The following PRAM1 variants were observed in gnomAD, a reference collection of about 807,000 sequenced individuals.
PRAM1 encodes the protein PML-RARA-regulated adapter molecule 1.
A neutral mutation model predicts 55.3 loss-of-function variants in PRAM1; 41 were observed. That is an observed-to-expected ratio of 0.74 (90% confidence interval 0.58 to 0.96). The LOEUF (loss-of-function observed/expected upper bound fraction) is 0.96. Ranked by LOEUF, PRAM1 falls within the 40% of genes least tolerant of loss-of-function variation. PRAM1 has a pLI of 0.00. For missense variants in PRAM1, 898 were observed against 892.7 expected (o/e 1.01, Z -0.08); for synonymous variants, 401 against 387.1 (o/e 1.04, Z -0.42).
chr19:8,498,881 C>A lies in PRAM1; in HGVS notation c.927G>T (p.Pro309=), dbSNP rs751677207. Residue 309 remains proline, a synonymous_variant, in exon 2 of 10, where the codon CCG becomes CCT. Coordinates refer to ENST00000423345, the MANE Select transcript of PRAM1 (RefSeq NM_032152.5). The stretch of plus-strand genomic sequence containing the variant: ...AGAGCGCTTTGAATTCGGCCGGCCG[C>A]GGCCTCTTGGGAAGCACGCTGACTT... ...EPEVSVLPKR[P]RPAEFKALSK... 1 of 1,612,258 alleles carries A rather than the reference C, an allele frequency of 6.2e-7. No homozygotes were observed. The highest frequency in any genetic ancestry group is 8.5e-7 in the Non-Finnish European group (1 of 1,179,316).
chr19:8,492,096 T>A (rs752207591), intron 4 of PRAM1: 2 of 151,198 alleles, frequency 1.3e-5, no homozygotes, highest in Non-Finnish European at 2.9e-5. Context: ...CACACCCGGC[T>A]AATTTTTTTT....
rs775449099 is a variant in PRAM1 at position 8,490,634 on chromosome 19, G to A, written c.1866C>T (p.Thr622=). The change falls in exon 7 of 10, where the codon ACC becomes ACT. Residue 622 remains threonine (T), a synonymous_variant. Coordinates refer to ENST00000423345, the MANE Select transcript of PRAM1 (RefSeq NM_032152.5). The surrounding 1 kb of genome is among the most constrained non-coding windows in gnomAD (Gnocchi z 7.3). ...CCCGGCACAGCATCTCCTCATTGCT[G>A]GTGAACTCGATCACCTCCAGGATCT... is the stretch of plus-strand genomic sequence containing the variant. ...RGEILEVIEF[T]SNEEMLCRDP... The A allele has an allele frequency of 1.0e-4, 159 of 1,585,872 alleles. 2 individuals are homozygous for A. The South Asian group carries it at 1.8e-3, about 18-fold the overall frequency.
At chr19:8,491,767 G>C (rs1971633247) in intron 4 of PRAM1, 2 of 156,710 alleles carry the variant, frequency 1.3e-5, no homozygotes, top group African/African-American at 2.4e-5. Context: ...GTTCATGCCA[G>C]TAGACGCCAC....
rs371085410 is a variant in PRAM1, at chr19:8,498,364, G to C, written c.1432+12C>G. ...GCCCCCGCTCCTGCCGGTGCCGCCC[G>C]CCCTCACCCACCTATGGATGCTGCA... On this transcript the variant is annotated intron_variant, in intron 2 of 9. Transcript: ENST00000423345. The C allele has an allele frequency of 6.3e-7, 1 of 1,582,938 alleles. No homozygotes were observed. Among genetic ancestry groups the C allele is most frequent in the African/African-American group, 1.3e-5 (1 of 74,334 alleles).
chr19:8,490,633 T>C lies in PRAM1; in HGVS notation c.1867A>G (p.Ser623Gly). 1 of 1,586,160 alleles carries C rather than the reference T, an allele frequency of 6.3e-7. No homozygotes were observed. The highest frequency in any genetic ancestry group is 8.6e-7 in the Non-Finnish European group (1 of 1,166,108). ...GEILEVIEFT[S>G]NEEMLCRDPK... The stretch of plus-strand genomic sequence containing the variant: ...TCCCGGCACAGCATCTCCTCATTGC[T>C]GGTGAACTCGATCACCTCCAGGATC... Residue 623 changes from serine (S) to glycine (G), a missense_variant, in exon 7 of 10, where the codon AGC becomes GGC. This residue lies in a region of PRAM1 where 787 missense variants were observed against 735.4 expected (regional missense o/e 1.07). Transcript: ENST00000423345. The surrounding 1 kb of genome is among the most constrained non-coding windows in gnomAD (Gnocchi z 7.3).
At chr19:8,491,513 G>A (rs769851490) in intron 4 of PRAM1, 73 of 364,490 alleles carry the variant, frequency 2.0e-4, no homozygotes, top group Non-Finnish European at 3.1e-4. Flanking sequence ...GATTACAGGC[G>A]TGAGCCACTG....
rs751677207 is a variant in PRAM1 at position 8,498,881 on chromosome 19, C to T, written c.927G>A (p.Pro309=). The change falls in exon 2 of 10, where the codon CCG becomes CCA. Residue 309 remains proline (P), a synonymous_variant. Transcript: ENST00000423345. ...AGAGCGCTTTGAATTCGGCCGGCCG[C>T]GGCCTCTTGGGAAGCACGCTGACTT... is the stretch of plus-strand genomic sequence containing the variant. ...EPEVSVLPKR[P]RPAEFKALSK... The T allele has an allele frequency of 5.6e-6, 9 of 1,612,258 alleles. No individual in the cohort carries two copies. Among genetic ancestry groups the T allele is most frequent in the South Asian group, 4.4e-5 (4 of 90,838 alleles).
Position 8,499,258 on chromosome 19 carries a change from T to C in PRAM1, c.550A>G (p.Lys184Glu), listed in dbSNP as rs753242175. Residue 184 changes from lysine (K) to glutamate (E), a missense_variant, in exon 2 of 10, where the codon AAA (lysine) becomes GAA (glutamate). Around this residue, in one of 4 missense-constraint regions of PRAM1, gnomAD observed 787 missense variants for 735.4 expected, o/e 1.07. Transcript: ENST00000423345. ...SHPARPPSEP[K>E]SGAFPRKLWQ... Reference sequence around the variant, plus strand: ...AGCTTCCTGGGGAATGCGCCGGATTTGGGTTCGGAGGGGGGTCTGGCGGGG... The same window carrying C: ...AGCTTCCTGGGGAATGCGCCGGATTCGGGTTCGGAGGGGGGTCTGGCGGGG... 16 of 1,610,018 alleles carry C rather than the reference T, an allele frequency of 9.9e-6. No individual in the cohort carries two copies. In the South Asian group the frequency reaches 1.5e-4, roughly 15 times the overall value.
Position 8,498,860 on chromosome 19 carries a change from C to A in PRAM1, c.948G>T (p.Ala316=), listed in dbSNP as rs1450246291. ...CGGGCTGCGGGGGCTTCTTGGAGAG[C>A]GCTTTGAATTCGGCCGGCCGCGGCC... is the stretch of plus-strand genomic sequence containing the variant. ...PKRPRPAEFK[A]LSKKPPQPEL... is the part of the protein sequence containing the mutation. The change falls in exon 2 of 10, where the codon GCG becomes GCT. Residue 316 remains alanine (A), a synonymous_variant. Coordinates refer to ENST00000423345, the MANE Select transcript of PRAM1 (RefSeq NM_032152.5). 3.1e-6 allele frequency: 5 copies of A among 1,607,698 alleles called. No homozygotes were observed. Among genetic ancestry groups the A allele is most frequent in the African/African-American group, 2.7e-5 (2 of 74,546 alleles).
chr19:8,500,848 C>T (rs8102240), intron 1 of PRAM1, among the ~76,000 whole-genome samples: 1,626 of 152,270 alleles, frequency 0.011, 34 homozygotes, highest in African/African-American at 0.037. Flanking sequence ...TCACTGCAAT[C>T]TCCACTTCCC....
chr19:8,494,553 C>T (rs1269062194), intron 4 of PRAM1, among the ~76,000 whole-genome samples: 1 of 152,210 alleles, frequency 6.6e-6, no homozygotes, highest in Admixed American at 6.5e-5. Context: ...AAAGCCCTGC[C>T]ACAGATCCAG....
At chr19:8,499,847 G>GA in intron 1 of PRAM1, 67 bp from the exon 2 acceptor site, 4 of 1,380,594 alleles carry the variant, frequency 2.9e-6, no homozygotes, top group Non-Finnish European at 3.9e-6. Flanking sequence ...GGATGGGCCT[G>GA]GGGACCCTCA....
Position 8,498,381 on chromosome 19 carries a change from G to C in PRAM1, c.1427C>G (p.Ser476Cys), listed in dbSNP as rs1413660112. ...MQSFRRPSAA[S>C]IDLRRTRSAA... is the part of the protein sequence containing the mutation. ...TGCCGCCCGCCCTCACCCACCTATG[G>C]ATGCTGCAGAGGGTCTCCGAAAGCT... The change falls in exon 2 of 10, where the codon TCC (serine) becomes TGC (cysteine). Residue 476 changes from serine (S) to cysteine (C), a missense_variant. Physicochemically the swap from Ser to Cys is moderately radical, Grantham distance 112. This residue lies in a region of PRAM1 where 787 missense variants were observed against 735.4 expected (regional missense o/e 1.07). Transcript: ENST00000423345. 6.3e-7 allele frequency: 1 copy of C among 1,583,058 alleles called. No individual in the cohort carries two copies. Among genetic ancestry groups the C allele is most frequent in the South Asian group, 1.1e-5 (1 of 87,726 alleles).
rs530682062 is a variant in PRAM1 at position 8,501,121 on chromosome 19, C to T, written c.28-1341G>A. 5.8e-4 allele frequency among the ~76,000 whole-genome samples: 76 copies of T among 132,008 alleles called. No individual in the cohort carries two copies. The Middle Eastern group carries it at 0.029, about 51-fold the overall frequency. The allele number at this position is 132,008 out of a possible 152,430, so 86.6% of individuals were successfully genotyped here. ...TTCTTTTTTTTTTTTTTTTTTGAGA[C>T]GGAGTCTCACTCTGTCACCCAGGTT... On this transcript the variant is annotated intron_variant, in intron 1 of 9. Coordinates refer to ENST00000423345, the MANE Select transcript of PRAM1 (RefSeq NM_032152.5).
chr19:8,490,949 T>G lies in PRAM1; in HGVS notation c.1681A>C (p.Lys561Gln), dbSNP rs1971617028. 4 of 1,613,656 alleles carry G rather than the reference T, an allele frequency of 2.5e-6. No homozygotes were observed. The highest frequency in any genetic ancestry group is 3.4e-6 in the Non-Finnish European group (4 of 1,179,888). ...QPQQLPPMDP[K>Q]LLKQLRKAEK... Reference sequence around the variant, plus strand: ...GCCTTCCTCAGCTGCTTCAGCAACTTTGGGTCCATGGGTGGCAACTGCTGT... The same window carrying G: ...GCCTTCCTCAGCTGCTTCAGCAACTGTGGGTCCATGGGTGGCAACTGCTGT... The change falls in exon 6 of 10, where the codon AAG (lysine) becomes CAG (glutamine). Residue 561 changes from lysine (K) to glutamine (Q), a missense_variant. Physicochemically the swap from Lys to Gln is moderately conservative, Grantham distance 53 (BLOSUM62 1). Around this residue, in one of 4 missense-constraint regions of PRAM1, gnomAD observed 787 missense variants for 735.4 expected, o/e 1.07. Transcript: ENST00000423345. This position sits in a 1 kb window ranked among gnomAD's most constrained non-coding sequence, Gnocchi z 7.3.
intron 3 of PRAM1, 30 bp from the exon 4 acceptor site, chr19:8,497,870 C>CTTTTTTTTTTTTT: frequency 8.4e-6 from 3 of 359,074 alleles, no homozygotes; most frequent in East Asian, 5.6e-5. Flanking sequence ...GAGGCCTCTT[C>CTTTTTTTTTTTTT]TTTTTTTTTT....
At position 8,490,627 on chromosome 19, in the gene PRAM1, C is replaced by T; in HGVS notation, c.1873G>A (p.Glu625Lys). The change falls in exon 7 of 10, where the codon GAG (glutamate) becomes AAG (lysine). Residue 625 changes from glutamate (E) to lysine (K), a missense_variant. Coordinates refer to ENST00000423345, the MANE Select transcript of PRAM1 (RefSeq NM_032152.5). This position sits in a 1 kb window ranked among gnomAD's most constrained non-coding sequence, Gnocchi z 7.3. ...TTGGGGTCCCGGCACAGCATCTCCTCATTGCTGGTGAACTCGATCACCTCC... is the reference window on the plus strand; with the variant it reads ...TTGGGGTCCCGGCACAGCATCTCCTTATTGCTGGTGAACTCGATCACCTCC... The part of the protein sequence containing the change: ...ILEVIEFTSN[E>K]EMLCRDPKGK... 3 of 1,585,512 alleles carry T rather than the reference C, an allele frequency of 1.9e-6. No individual in the cohort carries two copies. Among genetic ancestry groups the T allele is most frequent in the Non-Finnish European group, 2.6e-6 (3 of 1,165,712 alleles).
chr19:8,502,457 A>ACCCCCCCCCCC (rs138708138), intron 1 of PRAM1, 108 bp downstream of exon 1: 112 of 470,052 alleles, frequency 2.4e-4, no homozygotes, highest in Non-Finnish European at 2.7e-4. Flanking sequence ...TTTCGCAGCC[A>ACCCCCCCCCCC]CCCCCCGCCC....
Position 8,493,472 on chromosome 19 carries a change from C to A in PRAM1, c.1577-2315G>T, listed in dbSNP as rs1971656953. Among the ~76,000 whole-genome samples the A allele has an allele frequency of 6.6e-6, 1 of 152,340 alleles. No individual in the cohort carries two copies. Among genetic ancestry groups the A allele is most frequent in the African/African-American group, 2.4e-5 (1 of 41,584 alleles). ...GCACTCCAGGGTCCCTGCAAACCCG[C>A]CACATTAGAGCACCTCTTGGCACCG... On this transcript the variant is annotated intron_variant, in intron 4 of 9. Coordinates refer to ENST00000423345, the MANE Select transcript of PRAM1 (RefSeq NM_032152.5). This position sits in a 1 kb window ranked among gnomAD's most constrained non-coding sequence, Gnocchi z 4.1.
Sources: allele counts gnomAD v4.1 joint callset (sites outside exome capture counted in the v4.1 genomes callset), GRCh38; gene constraint gnomAD v4.1.1; regional missense constraint gnomAD v4.1.1; non-coding constraint Gnocchi (gnomAD v3.1); transcripts MANE v1.5; gene names NCBI Gene and HGNC (gene_info 2026-07-23, HGNC 2026-07-21).